The following TRIM66 variants were observed in gnomAD, a reference collection of about 807,000 sequenced individuals.
The protein encoded by TRIM66 is tripartite motif-containing protein 66.
TRIM66 carries 99 observed loss-of-function variants against 148.2 expected under a neutral mutation model. That is an observed-to-expected ratio of 0.67 (90% CI 0.57 to 0.79). The LOEUF (loss-of-function observed/expected upper bound fraction) is 0.79, where lower values mean the gene tolerates loss of function less well. TRIM66 is among the 30% of genes least tolerant of loss of function. The pLI is 0.00. For synonymous variants in TRIM66, 616 were observed against 635.9 expected (o/e 0.97, Z 0.47); for missense variants, 1,666 against 1,697.9 (o/e 0.98, Z 0.33).
Position 8,618,804 on chromosome 11 carries a change from C to T in TRIM66, c.4065G>A (p.Pro1355=), listed in dbSNP as rs755673361. ...ESGCSTPQGF[P]WPPYMQEGIQ... The stretch of plus-strand genomic sequence containing the variant: ...TGCCCTCCTGCATGTAGGGAGGCCA[C>T]GGGAAGCCCTGGGGAGTGGAACATC... The change falls in exon 24 of 25, where the codon CCG becomes CCA. Residue 1355 remains proline (P), a synonymous_variant. Transcript: ENST00000646038. 46 of 1,551,220 alleles carry T rather than the reference C, an allele frequency of 3.0e-5. No individual in the cohort carries two copies. The highest frequency in any genetic ancestry group is 3.9e-5 in the Non-Finnish European group (45 of 1,146,956).
chr11:8,655,937 T>G (rs939280477), intron 6 of TRIM66, among the ~76,000 whole-genome samples: 1 of 152,158 alleles, frequency 6.6e-6, no homozygotes, highest in Non-Finnish European at 1.5e-5. Context: ...ATTTAAGAGA[T>G]TAGCCCTCTA....
intron 12 of TRIM66, 137 bp from the exon 13 acceptor site, chr11:8,643,263 C>A: frequency 3.2e-6 from 2 of 629,594 alleles, no homozygotes; most frequent in South Asian, 4.3e-5. Flanking sequence ...TATTCTCATT[C>A]TCTTGCACCT....
intron 15 of TRIM66, 62 bp from the exon 16 acceptor site, chr11:8,625,290 G>C: frequency 6.9e-7 from 1 of 1,441,596 alleles, no homozygotes; most frequent in African/African-American, 1.4e-5. Flanking sequence ...GGAGGGAGAG[G>C]AGGGACCCAA....
chr11:8,682,884 C>G (rs368361903), upstream of TRIM66: 1 of 1,542,540 alleles, frequency 6.5e-7, no homozygotes, highest in African/African-American at 1.4e-5. Context: ...TCCCATTGCC[C>G]CTAGTCATCC....
intron 18 of TRIM66, 112 bp downstream of exon 18, chr11:8,622,702 TGC>T: frequency 1.0e-6 from 1 of 968,630 alleles, no homozygotes; most frequent in South Asian, 1.5e-5. Flanking sequence ...GGAAGGCAGT[TGC>T]AGGCAAATTT....
chr11:8,639,328 G>A (rs1388590899), intron 14 of TRIM66, among the ~76,000 whole-genome samples: 1 of 152,222 alleles, frequency 6.6e-6, no homozygotes, highest in East Asian at 1.9e-4. Flanking sequence ...TATAGAAAAA[G>A]TGAGAGAAGG....
At chr11:8,653,598 G>C (rs1254762587) in intron 6 of TRIM66, among the ~76,000 whole-genome samples, 1 of 152,090 alleles carries the variant, frequency 6.6e-6, no homozygotes, top group East Asian at 1.9e-4. Flanking sequence ...GGCCAAACCA[G>C]AAGAATTACC....
chr11:8,666,410 T>C (rs1410424848), intron 6 of TRIM66, among the ~76,000 whole-genome samples: 1 of 145,830 alleles, frequency 6.9e-6, no homozygotes, highest in African/African-American at 2.6e-5. Context: ...ATATGAGAAA[T>C]TGACTCTCTG....
chr11:8,612,518 T>C lies in TRIM66; in HGVS notation c.*5426A>G, dbSNP rs926934337. On this transcript the variant is annotated 3_prime_UTR_variant, in exon 25 of 25. Transcript: ENST00000646038. ...CTCATAATGGAAAGAGCCAAAAATT[T>C]TGGTGTTCAGACTCTCAAATCAGAT... is the stretch of plus-strand genomic sequence containing the variant. The C allele has an allele frequency of 6.6e-6, 1 of 152,168 alleles. No individual in the cohort carries two copies. Among genetic ancestry groups the C allele is most frequent in the African/African-American group, 2.4e-5 (1 of 41,434 alleles). The allele number at this position is 152,168 out of a possible 1,614,324, so 9.4% of individuals were successfully genotyped here.
chr11:8,657,068 AGGAAGTGG>A (rs1445208330), intron 6 of TRIM66, among the ~76,000 whole-genome samples: 2 of 152,206 alleles, frequency 1.3e-5, no homozygotes, highest in East Asian at 3.8e-4. Context: ...TGAGGCAGCA[AGGAAGTGG>A]GGCCCACACA....
In TRIM66 at chr11:8,649,860, C is replaced by T; in HGVS notation, c.472G>A (p.Ala158Thr). ...CAGTAGGTGCAGAGGATATGTGCTG[C>T]CCTCTTCTCCTTGCACTCAGAGCAG... Reference protein sequence around the residue: ...RNCSECKEKRAAHILCTYCNR... With the variant: ...RNCSECKEKRTAHILCTYCNR... The change falls in exon 8 of 25, where the codon GCA becomes ACA. Residue 158 changes from alanine to threonine, a missense_variant. Transcript: ENST00000646038. 2 of 1,551,580 alleles carry T rather than the reference C, an allele frequency of 1.3e-6. No homozygotes were observed. The highest frequency in any genetic ancestry group is 1.7e-6 in the Non-Finnish European group (2 of 1,146,926).
chr11:8,666,459 T>C (rs1030221535), intron 6 of TRIM66, among the ~76,000 whole-genome samples: 7 of 152,142 alleles, frequency 4.6e-5, no homozygotes, highest in Middle Eastern at 3.4e-3. Flanking sequence ...CAGGCTTTTT[T>C]CCCCTATTTC....
chr11:8,653,231 G>A (rs574222352), intron 6 of TRIM66, among the ~76,000 whole-genome samples: 16 of 152,238 alleles, frequency 1.1e-4, no homozygotes, highest in South Asian at 8.3e-4. Context: ...GACTCTCCAC[G>A]AGCTTCAGGT....
At position 8,646,469 on chromosome 11, in the gene TRIM66, T is replaced by C. The variant is rs61742770; in HGVS notation, c.935A>G (p.Asn312Ser). ...VLMNELNKQA[N>S]GLIEELEGIT... ...TACCTCTAATTCCTCTATTAGCCCA[T>C]TGGCCTGTTTGTTCAGCTCATTCAT... Residue 312 changes from asparagine (N) to serine (S), a missense_variant, in exon 11 of 25, where the codon AAT becomes AGT. By Grantham distance (46) the Asn-to-Ser change is conservative (BLOSUM62 1). Coordinates refer to ENST00000646038, the MANE Select transcript of TRIM66 (RefSeq NM_001388022.1). 1.7e-5 allele frequency: 27 copies of C among 1,552,212 alleles called. No homozygotes were observed. Among genetic ancestry groups the C allele is most frequent in the African/African-American group, 5.5e-5 (4 of 73,056 alleles).
intron 23 of TRIM66, 194 bp from the exon 24 acceptor site, chr11:8,619,162 T>C (rs1169578550): frequency 2.8e-6 from 2 of 705,708 alleles, no homozygotes; most frequent in African/African-American, 3.6e-5. Flanking sequence ...CCAACAGGTA[T>C]CCACAGATGG....
At chr11:8,682,666 G>T (rs766208091), upstream of TRIM66, 4 of 872,784 alleles carry the variant, frequency 4.6e-6, no homozygotes, top group South Asian at 1.4e-5. Context: ...AAGAGGAAGC[G>T]ACTAGCAGGC....
intron 15 of TRIM66, among the ~76,000 whole-genome samples, chr11:8,628,184 C>T (rs2035034585): frequency 6.6e-6 from 1 of 152,000 alleles, no homozygotes; most frequent in Admixed American, 6.5e-5. Flanking sequence ...TGCCTCACTC[C>T]ACTAGCTAAG....
chr11:8,643,114 T>A lies in TRIM66; in HGVS notation c.1117A>T (p.Met373Leu). 3.9e-6 allele frequency: 6 copies of A among 1,550,780 alleles called. No individual in the cohort carries two copies. The East Asian group carries it at 9.8e-5, about 25-fold the overall frequency. ...CAACTTGTCTCCAGCAATCGCTGCA[T>A]CTGAAACACAATCTGACAACAGCAC... ...LFSKELIVFQMQRLLETSCNT... is the reference protein window; with the variant it reads ...LFSKELIVFQLQRLLETSCNT... The change falls in exon 13 of 25, where the codon ATG becomes TTG. Residue 373 changes from methionine to leucine, a missense_variant. Coordinates refer to ENST00000646038, the MANE Select transcript of TRIM66 (RefSeq NM_001388022.1).
At chr11:8,618,409 G>C (rs2033878004) in intron 24 of TRIM66, among the ~76,000 whole-genome samples, 1 of 152,170 alleles carries the variant, frequency 6.6e-6, no homozygotes, top group African/African-American at 2.4e-5. Context: ...ACTAAGACCA[G>C]GTAATTCCCT....
Sources: gnomAD v4.1 joint callset for allele counts (sites outside exome capture counted in the v4.1 genomes callset) on GRCh38, gnomAD v4.1.1 for gene constraint, MANE v1.5 for transcripts, NCBI Gene and HGNC (gene_info 2026-07-23, HGNC 2026-07-21) for gene names.